Variants in DRC1 observed in about 807,000 individuals in gnomAD.
The protein encoded by DRC1 is dynein regulatory complex protein 1.
A neutral mutation model predicts 98.7 loss-of-function variants in DRC1; 74 were observed. That is an observed-to-expected ratio of 0.75 (90% CI 0.62 to 0.91). The LOEUF (loss-of-function observed/expected upper bound fraction) is 0.91, where lower values mean the gene tolerates loss of function less well. Ranked by LOEUF, DRC1 falls within the 40% of genes least tolerant of loss-of-function variation. The pLI, the probability that DRC1 is intolerant of heterozygous loss-of-function variation, is 0.00. For missense variants in DRC1, 875 were observed against 886.0 expected (o/e 0.99, Z 0.16); for synonymous variants, 336 against 334.1 (o/e 1.01, Z -0.06).
chr2:26,431,379 G>A (rs568833059), intron 6 of DRC1, among the ~76,000 whole-genome samples: 17 of 152,238 alleles, frequency 1.1e-4, no homozygotes, highest in East Asian at 3.9e-4. Flanking sequence ...AGTACCACCC[G>A]GGCAGCTTGC....
intron 1 of DRC1, among the ~76,000 whole-genome samples, chr2:26,408,719 C>T (rs1286805995): frequency 1.3e-5 from 2 of 151,888 alleles, no homozygotes; most frequent in African/African-American, 4.8e-5. Flanking sequence ...TGCAGTGAGC[C>T]GAGATCGTGC....
intron 4 of DRC1, 152 bp from the exon 5 acceptor site, chr2:26,429,476 G>T: frequency 2.0e-6 from 2 of 993,848 alleles, no homozygotes; most frequent in Non-Finnish European, 2.9e-6. Context: ...AAAGTGCTGA[G>T]ATTATAGGTG....
intron 15 of DRC1, 109 bp from the exon 16 acceptor site, chr2:26,455,022 C>G: frequency 7.2e-7 from 1 of 1,393,070 alleles, no homozygotes; most frequent in Non-Finnish European, 1.0e-6. Flanking sequence ...AGTGTAGCTT[C>G]TGGAGTCTCC....
At chr2:26,439,936 T>TATATACAC (rs548209014) in intron 7 of DRC1, among the ~76,000 whole-genome samples, 2 of 75,466 alleles carry the variant, frequency 2.7e-5, no homozygotes, top group Admixed American at 1.1e-4. Context: ...TATATATATA[T>TATATACAC]ACACACACAC....
rs72853710 is a variant in DRC1, at chr2:26,455,325, C to A, written c.2166+92C>A. ...GGATTAGGGAACGAGGAGTCCCCTCCCCGTCAGAGGCAAGGGAGCTTTGTG... is the reference window on the plus strand; with the variant it reads ...GGATTAGGGAACGAGGAGTCCCCTCACCGTCAGAGGCAAGGGAGCTTTGTG... On this transcript the variant is annotated intron_variant, in intron 16 of 16. Transcript: ENST00000288710. 3.9e-3 allele frequency: 4,716 copies of A among 1,195,920 alleles called. 128 individuals are homozygous for A. In the African/African-American group the frequency reaches 0.061, roughly 16 times the overall value. The allele number at this position is 1,195,920 out of a possible 1,614,324, so 74.1% of individuals were successfully genotyped here. A position where few individuals can be genotyped will look rare whatever the true frequency, so the allele number is the denominator to read the frequency against.
intron 7 of DRC1, among the ~76,000 whole-genome samples, chr2:26,433,878 T>A (rs1356188791): frequency 6.6e-6 from 1 of 151,948 alleles, no homozygotes; most frequent in African/African-American, 2.4e-5. Context: ...CTTTCCTGTG[T>A]CAGATGGAAA....
intron 7 of DRC1, among the ~76,000 whole-genome samples, chr2:26,437,808 A>G (rs1317259677): frequency 1.3e-5 from 2 of 152,180 alleles, no homozygotes; most frequent in African/African-American, 4.8e-5. Context: ...GAAGCGGCAT[A>G]GTATATAAAA....
chr2:26,420,469 C>T (rs866996324), intron 2 of DRC1, among the ~76,000 whole-genome samples: 155 of 152,302 alleles, frequency 1.0e-3, no homozygotes, highest in African/African-American at 3.7e-3. Flanking sequence ...AGGCTCCCGG[C>T]AGTGTCAGTC....
chr2:26,425,502 G>GT (rs1439838587), intron 4 of DRC1, among the ~76,000 whole-genome samples: 1 of 152,150 alleles, frequency 6.6e-6, no homozygotes, highest in Non-Finnish European at 1.5e-5. Flanking sequence ...CCTCCATACT[G>GT]TTTTTTATAA....
chr2:26,412,197 C>T (rs1678630813), intron 1 of DRC1, among the ~76,000 whole-genome samples: 2 of 152,018 alleles, frequency 1.3e-5, no homozygotes, highest in South Asian at 4.2e-4. Context: ...GGACTTTGAA[C>T]AAAGGGAGTA....
chr2:26,401,920 GT>G lies in DRC1; in HGVS notation c.-68del. ...TGACCGCTCTCCCTGGCAACGGTTT[GT>G]TCCTAGCAACCAGCCTGAGGTCTGG... On this transcript the variant is annotated 5_prime_UTR_variant, in exon 1 of 17. Coordinates refer to ENST00000288710, the MANE Select transcript of DRC1 (RefSeq NM_145038.5). The G allele has an allele frequency of 6.6e-7, 1 of 1,510,728 alleles. No individual in the cohort carries two copies. The highest frequency in any genetic ancestry group is 8.9e-7 in the Non-Finnish European group (1 of 1,124,770). 93.6% of individuals were successfully genotyped at this position (1,510,728 alleles called of 1,614,324 possible). A position where few individuals can be genotyped will look rare whatever the true frequency, so the allele number is the denominator to read the frequency against.
chr2:26,442,371 T>A (rs781402167), intron 8 of DRC1, among the ~76,000 whole-genome samples: 2 of 152,240 alleles, frequency 1.3e-5, no homozygotes, highest in Non-Finnish European at 2.9e-5. Context: ...CCAAGCGCAG[T>A]GGCTTCTCCT....
intron 10 of DRC1, among the ~76,000 whole-genome samples, chr2:26,447,900 C>T (rs990704858): frequency 6.6e-6 from 1 of 151,422 alleles, no homozygotes; most frequent in Non-Finnish European, 1.5e-5. Context: ...AAATTTTTGG[C>T]TCTTGCTGTC....
At chr2:26,426,017 C>G (rs928451139) in intron 4 of DRC1, among the ~76,000 whole-genome samples, 1 of 152,046 alleles carries the variant, frequency 6.6e-6, no homozygotes, top group African/African-American at 2.4e-5. Flanking sequence ...TCTATATTTT[C>G]TTCTAGGAGT....
At position 26,424,337 on chromosome 2, in the gene DRC1, G is replaced by A. The variant is rs1447505362; in HGVS notation, c.423G>A (p.Trp141Ter). Residue 141 changes from tryptophan to a stop codon, truncating the protein, a stop_gained, in exon 4 of 17, where the codon TGG becomes TGA. Coordinates refer to ENST00000288710, the MANE Select transcript of DRC1 (RefSeq NM_145038.5). LOFTEE classifies it high-confidence loss of function. ...AATTCGATGAAATCACCTCAAAGTG[G>A]GAAGAGGGCAAGCAGAAGAGAATTC... is the stretch of plus-strand genomic sequence containing the variant. ...QDKFDEITSK[W>*]EEGKQKRIPQ... 1.2e-6 allele frequency: 2 copies of A among 1,613,872 alleles called. No individual in the cohort carries two copies. The highest frequency in any genetic ancestry group is 1.7e-6 in the Non-Finnish European group (2 of 1,179,984).
At chr2:26,417,415 G>T (rs1017464212) in intron 2 of DRC1, among the ~76,000 whole-genome samples, 1 of 150,930 alleles carries the variant, frequency 6.6e-6, no homozygotes, top group Non-Finnish European at 1.5e-5. Flanking sequence ...TGCAACCGCC[G>T]CCTCCTGGGT....
chr2:26,411,276 T>A (rs1211678140), intron 1 of DRC1, among the ~76,000 whole-genome samples: 1 of 152,222 alleles, frequency 6.6e-6, no homozygotes, highest in Non-Finnish European at 1.5e-5. Context: ...ACATTGAAAG[T>A]GGTAAAAACA....
At chr2:26,443,715 T>C (rs535680278) in intron 8 of DRC1, among the ~76,000 whole-genome samples, 20 of 152,324 alleles carry the variant, frequency 1.3e-4, no homozygotes, top group Middle Eastern at 3.4e-3. Context: ...AATAAATGAA[T>C]GAATGAATGA....
Position 26,421,396 on chromosome 2 carries a change from C to T in DRC1, c.352C>T (p.Gln118Ter), listed in dbSNP as rs142371860. Residue 118 changes from glutamine to a stop codon, truncating the protein, a stop_gained, in exon 3 of 17, where the codon CAA (glutamine) becomes TAA (stop). Transcript: ENST00000288710. LOFTEE classifies it high-confidence loss of function. ...RRVEEEEIKR[Q>*]RIEKLENEVK... is the part of the protein sequence containing the mutation. ...AGTCGAAGAAGAGGAGATAAAGCGT[C>T]AAAGGTAAGGACTGTGCTACTCTGC... 6.0e-4 allele frequency: 962 copies of T among 1,612,348 alleles called. 2 individuals are homozygous for T. Among genetic ancestry groups the T allele is most frequent in the Non-Finnish European group, 7.6e-4 (894 of 1,178,968 alleles).
Sources: gnomAD v4.1 joint callset for allele counts (sites outside exome capture counted in the v4.1 genomes callset) on GRCh38, gnomAD v4.1.1 for gene constraint, MANE v1.5 for transcripts, NCBI Gene and HGNC (gene_info 2026-07-23, HGNC 2026-07-21) for gene names.